TNS3: variants seen among roughly 807,000 people sequenced by gnomAD.
The protein encoded by TNS3 is tensin-3.
A neutral mutation model predicts 140.9 loss-of-function variants in TNS3; 45 were observed. The observed-to-expected ratio is 0.32, with a 90% CI of 0.25 to 0.41. The LOEUF is 0.41. TNS3 is among the 10% of genes least tolerant of loss of function. The pLI, the probability that TNS3 is intolerant of heterozygous loss-of-function variation, is 1.00. For synonymous variants in TNS3, 815 were observed against 788.4 expected, an observed-to-expected ratio of 1.03 and a Z score of -0.56; for missense variants, 1,716 against 1,906.7, an observed-to-expected ratio of 0.90 and a Z score of 1.86.
At chr7:47,302,858 A>C in intron 22 of TNS3, 92 bp downstream of exon 22, 806 of 1,441,364 alleles carry the variant, frequency 5.6e-4, no homozygotes, top group Non-Finnish European at 6.8e-4. Flanking sequence ...GCCCAGCACT[A>C]GAGATATGCC....
chr7:47,500,615 T>C (rs551120461), intron 3 of TNS3, among the ~76,000 whole-genome samples: 33 of 152,346 alleles, frequency 2.2e-4, no homozygotes, highest in Admixed American at 3.3e-4. Flanking sequence ...ATGTATCTCA[T>C]GACATCCCTA....
rs144042398 is a variant in TNS3, at chr7:47,446,688, C to CTTTTTTTTTTTTTT, written c.-75-4647_-75-4634dup. 8.6e-4 allele frequency among the ~76,000 whole-genome samples: 83 copies of CTTTTTTTTTTTTTT among 96,684 alleles called. 9 individuals carry two copies. Among genetic ancestry groups the CTTTTTTTTTTTTTT allele is most frequent in the African/African-American group, 2.2e-3 (48 of 22,036 alleles). The allele number at this position is 96,684 out of a possible 152,430, so 63.4% of individuals were successfully genotyped here. Reference sequence around the variant, plus strand: ...CAAAGACCGCCCTGTTCCAGGCTGCCTTTTTTTTTTTTTTTTTTTTTTTTT... The same window carrying CTTTTTTTTTTTTTT: ...CAAAGACCGCCCTGTTCCAGGCTGCCTTTTTTTTTTTTTTTTTTTTTTTTTTTTTTTTTTTTTTT... On this transcript the variant is annotated intron_variant, in intron 4 of 30. Coordinates refer to ENST00000311160, the MANE Select transcript of TNS3 (RefSeq NM_022748.12).
intron 18 of TNS3, among the ~76,000 whole-genome samples, chr7:47,345,463 G>A (rs1047287131): frequency 6.6e-6 from 1 of 152,322 alleles, no homozygotes; most frequent in African/African-American, 2.4e-5. Context: ...AAAAGGCCGG[G>A]TGGAAATATT....
At chr7:47,562,124 G>A (rs1444404869) in intron 1 of TNS3, among the ~76,000 whole-genome samples, 1 of 152,132 alleles carries the variant, frequency 6.6e-6, no homozygotes, top group Non-Finnish European at 1.5e-5. Context: ...TTGCAGTAAT[G>A]ATGGCAAAAA....
rs753730044 is a variant in TNS3 at position 47,345,036 on chromosome 7, C to T, written c.2454G>A (p.Thr818=). 6.8e-6 allele frequency: 11 copies of T among 1,613,044 alleles called. No individual in the cohort carries two copies. In the East Asian group the frequency reaches 2.5e-4, roughly 36 times the overall value. Residue 818 remains threonine (T), a splice_region_variant and synonymous_variant, in exon 19 of 31, where the codon ACG becomes ACA. Transcript: ENST00000311160. ...PFPSPADVKE[T]MTPGYPQDLD... The stretch of plus-strand genomic sequence containing the variant: ...GGTCCTGGGGATAGCCAGGGGTCAT[C>T]GTCTGAAATTGGCACAGGGAGTAGA...
chr7:47,291,843 G>A, intron 27 of TNS3, 112 bp downstream of exon 27: 1 of 1,198,362 alleles, frequency 8.3e-7, no homozygotes, highest in Middle Eastern at 1.9e-4. Context: ...CCTCCTTCAA[G>A]GCTCACAGAA....
chr7:47,316,736 C>T (rs2150810762), intron 20 of TNS3, among the ~76,000 whole-genome samples: 1 of 148,272 alleles, frequency 6.7e-6, no homozygotes, highest in Middle Eastern at 3.5e-3. Context: ...CAAGATCGTG[C>T]CACTGCACTC....
At chr7:47,537,425 C>A (rs1290111853) in intron 1 of TNS3, among the ~76,000 whole-genome samples, 3 of 151,928 alleles carry the variant, frequency 2.0e-5, no homozygotes, top group Non-Finnish European at 2.9e-5. Context: ...CCCGCCCCAA[C>A]CGCAGCTCCG....
At chr7:47,320,785 G>A (rs1177362096) in intron 20 of TNS3, among the ~76,000 whole-genome samples, 2 of 152,226 alleles carry the variant, frequency 1.3e-5, no homozygotes, top group African/African-American at 4.8e-5. Context: ...GGGGTGGAGG[G>A]AGTCACAATT....
chr7:47,540,935 C>T (rs1379122506), intron 1 of TNS3, among the ~76,000 whole-genome samples: 2 of 152,112 alleles, frequency 1.3e-5, no homozygotes, highest in East Asian at 3.9e-4. Flanking sequence ...TCACAGGGGG[C>T]TCTAACTGGC....
intron 20 of TNS3, among the ~76,000 whole-genome samples, chr7:47,333,361 TTTGGCACTAA>T (rs1323102225): frequency 6.6e-6 from 1 of 152,226 alleles, no homozygotes; most frequent in Non-Finnish European, 1.5e-5. Context: ...GTGTGCATTC[TTTGGCACTAA>T]TTGGAATGCA....
chr7:47,474,444 ACAACACACACTG>A (rs1797090889), intron 4 of TNS3, among the ~76,000 whole-genome samples: 3 of 151,208 alleles, frequency 2.0e-5, no homozygotes, highest in Non-Finnish European at 2.9e-5. Context: ...CACTACACAT[ACAACACACACTG>A]CAACACACAC....
chr7:47,456,791 C>A (rs1796264911), intron 4 of TNS3, among the ~76,000 whole-genome samples: 1 of 151,996 alleles, frequency 6.6e-6, no homozygotes, highest in Admixed American at 6.6e-5. Flanking sequence ...CCTCAGCCAA[C>A]CCCCTCCACA....
chr7:47,519,798 A>G (rs185026701), intron 2 of TNS3, among the ~76,000 whole-genome samples: 8 of 149,120 alleles, frequency 5.4e-5, no homozygotes, highest in African/African-American at 2.0e-4. Context: ...ATCCTCTGGA[A>G]CAGAGCTCCT....
intron 17 of TNS3, among the ~76,000 whole-genome samples, chr7:47,349,176 C>A (rs560819574): frequency 6.6e-6 from 1 of 151,778 alleles, no homozygotes. Context: ...AGAATTACAA[C>A]GAAAAACAAT....
chr7:47,380,384 T>C (rs1425882486), intron 16 of TNS3, among the ~76,000 whole-genome samples: 1 of 152,156 alleles, frequency 6.6e-6, no homozygotes, highest in Non-Finnish European at 1.5e-5. Flanking sequence ...GTTGGCCTTA[T>C]CTGAGGCCAC....
intron 1 of TNS3, among the ~76,000 whole-genome samples, chr7:47,563,610 C>G (rs775985040): frequency 7.9e-5 from 12 of 152,200 alleles, no homozygotes; most frequent in Non-Finnish European, 1.3e-4. Flanking sequence ...CCCGCTTCTC[C>G]AGAAAGTGGC....
At position 47,497,697 on chromosome 7, in the gene TNS3, A is replaced by ACACACACACACACACACACG. The variant is rs139313048; in HGVS notation, c.-115+9209_-115+9210insCGTGTGTGTGTGTGTGTGTG. 4.8e-3 allele frequency among the ~76,000 whole-genome samples: 711 copies of ACACACACACACACACACACG among 148,512 alleles called. 9 individuals are homozygous for ACACACACACACACACACACG. The highest frequency in any genetic ancestry group is 7.6e-3 in the Non-Finnish European group (510 of 67,128). On this transcript the variant is annotated intron_variant, in intron 3 of 30. Transcript: ENST00000311160. Reference sequence around the variant, plus strand: ...CACACACACACACACACACACACACAGAGCAGGAAATGTTCACCGCGTGCT... The same window carrying ACACACACACACACACACACG: ...CACACACACACACACACACACACACACACACACACACACACACACGGAGCAGGAAATGTTCACCGCGTGCT...
chr7:47,578,816 T>G (rs912725095), intron 1 of TNS3, among the ~76,000 whole-genome samples: 3 of 152,192 alleles, frequency 2.0e-5, no homozygotes, highest in African/African-American at 7.2e-5. Context: ...AGGAAACCAC[T>G]GTTCCTGCCC....
Sources: allele counts gnomAD v4.1 joint callset (sites outside exome capture counted in the v4.1 genomes callset), GRCh38; gene constraint gnomAD v4.1.1; transcripts MANE v1.5; gene names NCBI Gene and HGNC (gene_info 2026-07-23, HGNC 2026-07-21).